Variants in KDM1A observed in about 807,000 individuals in gnomAD.
The protein encoded by KDM1A is lysine demethylase 1A.
KDM1A carries 49 observed loss-of-function variants against 109.4 expected under a neutral mutation model. That is an observed-to-expected ratio of 0.45 (90% CI 0.36 to 0.57). The LOEUF is 0.57. Among genes scored for constraint, KDM1A ranks in the 20% least tolerant of loss-of-function variants. KDM1A has a pLI of 0.00. For synonymous variants in KDM1A, 380 were observed against 415.4 expected (o/e 0.91, Z 1.04); for missense variants, 668 against 1,116.6 (o/e 0.60, Z 5.73).
chr1:23,042,440 A>ATTATTATTTTTTTTTTTTTTT (rs1553127465), intron 2 of KDM1A, among the ~76,000 whole-genome samples: 3 of 21,558 alleles, frequency 1.4e-4, no homozygotes, highest in East Asian at 1.7e-3. Context: ...GAAATATATT[A>ATTATTATTTTTTTTTTTTTTT]TTTTTTTTTT....
chr1:23,042,451 T>TA (rs1557528739), intron 2 of KDM1A, among the ~76,000 whole-genome samples: 2 of 102,814 alleles, frequency 1.9e-5, no homozygotes, highest in Non-Finnish European at 4.1e-5. Flanking sequence ...TTTTTTTTTT[T>TA]TTTTTTTTTT....
At chr1:23,036,172 G>A (rs1642137328) in intron 2 of KDM1A, among the ~76,000 whole-genome samples, 1 of 152,048 alleles carries the variant, frequency 6.6e-6, no homozygotes, top group Non-Finnish European at 1.5e-5. Context: ...TGGAGCCAGA[G>A]AGAAGGACTA....
At chr1:23,069,807 C>A (rs1643266169) in intron 12 of KDM1A, among the ~76,000 whole-genome samples, 1 of 152,246 alleles carries the variant, frequency 6.6e-6, no homozygotes, top group Non-Finnish European at 1.5e-5. Context: ...CTGCCACCGC[C>A]TTCCAGAGCC....
intron 9 of KDM1A, chr1:23,059,420 C>A: frequency 2.0e-6 from 1 of 510,532 alleles, no homozygotes; most frequent in Non-Finnish European, 3.8e-6. Flanking sequence ...TGAAGGCTAG[C>A]TAGACAGTTA....
intron 3 of KDM1A, among the ~76,000 whole-genome samples, chr1:23,045,832 A>G (rs1040071827): frequency 3.3e-5 from 5 of 152,070 alleles, no homozygotes; most frequent in African/African-American, 9.7e-5. Context: ...CTGTTGTAAA[A>G]CCTTCAAGAT....
intron 12 of KDM1A, among the ~76,000 whole-genome samples, chr1:23,070,925 CTTTG>C (rs1300688008): frequency 1.3e-5 from 2 of 151,672 alleles, no homozygotes; most frequent in South Asian, 2.1e-4. Flanking sequence ...TGGGTTTTTT[CTTTG>C]TTTGTTTAAA....
rs375831125 is a variant in KDM1A, at chr1:23,030,684, T to C, written c.517+50T>C. 16 of 1,457,982 alleles carry C rather than the reference T, an allele frequency of 1.1e-5. No individual in the cohort carries two copies. The African/African-American group carries it at 2.0e-4, about 18-fold the overall frequency. The allele number at this position is 1,457,982 out of a possible 1,614,324, so 90.3% of individuals were successfully genotyped here. On this transcript the variant is annotated intron_variant, in intron 2 of 20. Coordinates refer to ENST00000400181, the MANE Select transcript of KDM1A (RefSeq NM_001009999.3). ...TTCTGTTTTATCTTAGAAATAAGAA[T>C]GAATGGATTTATTTCCATTTTGCAA...
rs1438314898 is a variant in KDM1A at position 23,081,272 on chromosome 1, CAA to C, written c.2171-172_2171-171del. ...GCTCCTACTGGCTGGTGTCTGGCGA[CAA>C]AGAGTTCTGTATGCTGTTTCAGAAA... is the stretch of plus-strand genomic sequence containing the variant. On this transcript the variant is annotated intron_variant, in intron 18 of 20. Coordinates refer to ENST00000400181, the MANE Select transcript of KDM1A (RefSeq NM_001009999.3). 28 of 692,398 alleles carry C rather than the reference CAA, an allele frequency of 4.0e-5. No individual in the cohort carries two copies. In the East Asian group the frequency reaches 4.6e-4, roughly 11 times the overall value. 42.9% of individuals were successfully genotyped at this position (692,398 alleles called of 1,614,324 possible). A position where few individuals can be genotyped will look rare whatever the true frequency, so the allele number is the denominator to read the frequency against.
At chr1:23,022,946 C>T (rs1307904932) in intron 1 of KDM1A, among the ~76,000 whole-genome samples, 7 of 152,134 alleles carry the variant, frequency 4.6e-5, no homozygotes, top group Non-Finnish European at 8.8e-5. Context: ...GGTGGAGCCA[C>T]CTTGTTGAGC....
At position 23,019,941 on chromosome 1, in the gene KDM1A, G is replaced by A. The variant is rs781299454; in HGVS notation, c.345G>A (p.Arg115=). The A allele has an allele frequency of 2.6e-6, 4 of 1,564,960 alleles. No homozygotes were observed. Among genetic ancestry groups the A allele is most frequent in the Non-Finnish European group, 2.6e-6 (3 of 1,158,476 alleles). The stretch of plus-strand genomic sequence containing the variant: ...GGCGTCGGACCAGCCGGCGCAAGCG[G>A]GCGAAGGTAAGGCTCGACCCTTCCC... ...PEGRRTSRRK[R]AKVEYREMDE... is the part of the protein sequence containing the mutation. The change falls in exon 1 of 21, where the codon CGG becomes CGA. Residue 115 remains arginine, a synonymous_variant. Coordinates refer to ENST00000400181, the MANE Select transcript of KDM1A (RefSeq NM_001009999.3).
At chr1:23,073,590 A>T (rs980175271) in intron 15 of KDM1A, among the ~76,000 whole-genome samples, 187 bp downstream of exon 15, 3 of 152,212 alleles carry the variant, frequency 2.0e-5, no homozygotes, top group Non-Finnish European at 4.4e-5. Context: ...GCCCCCACAC[A>T]ATCAGAATAT....
intron 13 of KDM1A, 82 bp downstream of exon 13, chr1:23,071,441 G>A: frequency 7.4e-7 from 1 of 1,354,964 alleles, no homozygotes; most frequent in Non-Finnish European, 1.0e-6. Context: ...GGAAAAGAGA[G>A]CCACTAGCCA....
chr1:23,083,313 G>A lies in KDM1A; in HGVS notation c.2580G>A (p.Leu860=), dbSNP rs1643676849. 6.2e-7 allele frequency: 1 copy of A among 1,613,794 alleles called. No homozygotes were observed. Among genetic ancestry groups the A allele is most frequent in the South Asian group, 1.1e-5 (1 of 91,058 alleles). The change falls in exon 21 of 21, where the codon CTG becomes CTA. Residue 860 remains leucine, a synonymous_variant. Transcript: ENST00000400181. ...ADQFLGAMYT[L]PRQATPGVPA... ...AGTTTTTGGGGGCCATGTATACGCTGCCTCGCCAGGCCACACCAGGTGTTC... is the reference window on the plus strand; with the variant it reads ...AGTTTTTGGGGGCCATGTATACGCTACCTCGCCAGGCCACACCAGGTGTTC...
intron 9 of KDM1A, among the ~76,000 whole-genome samples, chr1:23,061,574 C>G (rs914541187): frequency 1.3e-5 from 2 of 151,966 alleles, no homozygotes. Flanking sequence ...GTTAATCAAA[C>G]ATAAGGCATG....
At chr1:23,031,286 T>A (rs1264871658) in intron 2 of KDM1A, among the ~76,000 whole-genome samples, 2 of 152,200 alleles carry the variant, frequency 1.3e-5, no homozygotes, top group African/African-American at 4.8e-5. Flanking sequence ...TGCCTTTCTG[T>A]TTTGGAGAGA....
At position 23,059,101 on chromosome 1, in the gene KDM1A, A is replaced by G. The variant is rs1283224888; in HGVS notation, c.1101A>G (p.Lys367=). The G allele has an allele frequency of 1.9e-6, 3 of 1,612,378 alleles. No individual in the cohort carries two copies. Among genetic ancestry groups the G allele is most frequent in the Admixed American group, 1.7e-5 (1 of 59,594 alleles). ...GGAATCCTATGGCTGTGGTCAGCAAACAAGTAAATATGGAACTGGCCAAGA... is the reference window on the plus strand; with the variant it reads ...GGAATCCTATGGCTGTGGTCAGCAAGCAAGTAAATATGGAACTGGCCAAGA... The part of the protein sequence containing the change: ...LGGNPMAVVS[K]QVNMELAKIK... Residue 367 remains lysine, a synonymous_variant, in exon 9 of 21, where the codon AAA becomes AAG. Transcript: ENST00000400181.
At chr1:23,047,432 C>T (rs565513814) in intron 3 of KDM1A, among the ~76,000 whole-genome samples, 2 of 152,158 alleles carry the variant, frequency 1.3e-5, no homozygotes, top group Admixed American at 6.5e-5. Context: ...AATATTATTC[C>T]AAGCATACAT....
chr1:23,081,747 C>A lies in KDM1A; in HGVS notation c.2298+174C>A, dbSNP rs956352245. On this transcript the variant is annotated intron_variant, in intron 19 of 20. Coordinates refer to ENST00000400181, the MANE Select transcript of KDM1A (RefSeq NM_001009999.3). Reference sequence around the variant, plus strand: ...CTAAGCGTGGGGTTCAGAAAACCCCCCAGGACAAGAGCTGGGGAGTCTGAA... The same window carrying A: ...CTAAGCGTGGGGTTCAGAAAACCCCACAGGACAAGAGCTGGGGAGTCTGAA... 9.8e-6 allele frequency: 7 copies of A among 715,718 alleles called. No homozygotes were observed. The African/African-American group carries it at 1.3e-4, about 13-fold the overall frequency. 44.3% of individuals were successfully genotyped at this position (715,718 alleles called of 1,614,324 possible). A position where few individuals can be genotyped will look rare whatever the true frequency, so the allele number is the denominator to read the frequency against.
intron 19 of KDM1A, 30 bp from the exon 20 acceptor site, chr1:23,082,190 A>G (rs2124555763): frequency 6.2e-7 from 1 of 1,609,194 alleles, no homozygotes; most frequent in South Asian, 1.1e-5. Flanking sequence ...GGTGTCTCGT[A>G]ATGACTTTTG....
Sources: allele counts gnomAD v4.1 joint callset (sites outside exome capture counted in the v4.1 genomes callset), GRCh38; gene constraint gnomAD v4.1.1; transcripts MANE v1.5; gene names NCBI Gene and HGNC (gene_info 2026-07-23, HGNC 2026-07-21).